The following NRG1 variants were observed in gnomAD, a reference collection of about 807,000 sequenced individuals.
NRG1 encodes the protein neuregulin 1, also known as pro-neuregulin-1, membrane-bound isoform.
NRG1 carries 18 observed loss-of-function variants against 63.8 expected under a neutral mutation model. That is an observed-to-expected ratio of 0.28 (90% CI 0.19 to 0.42). The LOEUF (loss-of-function observed/expected upper bound fraction) is 0.42, where lower values mean the gene tolerates loss of function less well. Among genes scored for constraint, NRG1 ranks in the 10% least tolerant of loss-of-function variants. NRG1 has a pLI of 1.00. For synonymous variants in NRG1, 302 were observed against 301.3 expected, an observed-to-expected ratio of 1.00 and a Z score of -0.02; for missense variants, 762 against 814.7, an observed-to-expected ratio of 0.94 and a Z score of 0.79.
chr8:32,243,061 G>A (rs1236677283), intron 1 of NRG1, among the ~76,000 whole-genome samples: 1 of 152,022 alleles, frequency 6.6e-6, no homozygotes, highest in Non-Finnish European at 1.5e-5. Flanking sequence ...TCTTCTCCCT[G>A]TGTCTCTCCA....
intron 1 of NRG1, among the ~76,000 whole-genome samples, chr8:32,584,748 C>T (rs1841316240): frequency 6.6e-6 from 1 of 152,174 alleles, no homozygotes; most frequent in South Asian, 2.1e-4. Context: ...AAGGAATAAG[C>T]TTTAAATGGC....
intron 1 of NRG1, among the ~76,000 whole-genome samples, chr8:32,079,477 C>G (rs962934800): frequency 2.6e-5 from 4 of 152,120 alleles, no homozygotes; most frequent in African/African-American, 9.7e-5. Context: ...TACTAATTAA[C>G]TTACCTAGAA....
rs1833870941 is a variant in NRG1 at position 32,124,678 on chromosome 8, C to T, written c.38-471150C>T. Among the ~76,000 whole-genome samples, 7 of 151,736 alleles carry T rather than the reference C, an allele frequency of 4.6e-5. No individual in the cohort carries two copies. The South Asian group carries it at 1.5e-3, about 32-fold the overall frequency. On this transcript the variant is annotated intron_variant, in intron 1 of 10. Transcript: ENST00000519301. ...TGTATCTATAACGTGAATTTTTGCC[C>T]CTATTTTCAATGTCCCCCATCCTAT...
intron 1 of NRG1, among the ~76,000 whole-genome samples, chr8:32,562,780 T>C (rs1836697011): frequency 6.6e-6 from 1 of 152,118 alleles, no homozygotes; most frequent in South Asian, 2.1e-4. Flanking sequence ...TGTACTGGCA[T>C]GGAAAGGCAC....
At chr8:32,202,115 A>C (rs1329655325) in intron 1 of NRG1, among the ~76,000 whole-genome samples, 1 of 152,192 alleles carries the variant, frequency 6.6e-6, no homozygotes, top group Non-Finnish European at 1.5e-5. Flanking sequence ...TGCTTCCACC[A>C]GCTGATTTTT....
At chr8:31,685,886 A>T (rs1188948021) in intron 1 of NRG1, among the ~76,000 whole-genome samples, 1 of 152,112 alleles carries the variant, frequency 6.6e-6, no homozygotes, top group Admixed American at 6.6e-5. Context: ...ATGTTGGTCT[A>T]TCCATTCTTC....
Position 31,722,615 on chromosome 8 carries a change from A to G in NRG1, c.37+83184A>G, listed in dbSNP as rs142996662. On this transcript the variant is annotated intron_variant, in intron 1 of 10. Coordinates refer to the NRG1 transcript ENST00000519301. ...TTATATTTATGTCTAAATGTTCATG[A>G]TAGCATCAGATTGAATTAATTGTAG... is the stretch of plus-strand genomic sequence containing the variant. Among the ~76,000 whole-genome samples the G allele has an allele frequency of 4.5e-3, 684 of 152,288 alleles. 9 individuals are homozygous for G. Among genetic ancestry groups the G allele is most frequent in the African/African-American group, 0.015 (641 of 41,562 alleles).
chr8:32,514,396 T>C (rs1027659490), intron 1 of NRG1, among the ~76,000 whole-genome samples: 7 of 152,170 alleles, frequency 4.6e-5, no homozygotes, highest in Non-Finnish European at 8.8e-5. Flanking sequence ...TGATCTTTTC[T>C]GAGATCCAAA....
At chr8:32,653,200 T>G (rs2129547855) in intron 5 of NRG1, among the ~76,000 whole-genome samples, 1 of 152,194 alleles carries the variant, frequency 6.6e-6, no homozygotes, top group Non-Finnish European at 1.5e-5. Context: ...TGTGCCAGAC[T>G]CTGTTCTAGA....
chr8:32,070,078 A>T (rs1825530809), intron 1 of NRG1, among the ~76,000 whole-genome samples: 1 of 152,172 alleles, frequency 6.6e-6, no homozygotes, highest in African/African-American at 2.4e-5. Flanking sequence ...AAACTTGAGA[A>T]TCTCTGAGAA....
At chr8:32,743,589 TATATATAA>T (rs1163749180) in intron 7 of NRG1, among the ~76,000 whole-genome samples, 4 of 145,566 alleles carry the variant, frequency 2.7e-5, no homozygotes, top group Non-Finnish European at 6.0e-5. Flanking sequence ...TATATATATA[TATATATAA>T]AACTTAATAA....
intron 1 of NRG1, among the ~76,000 whole-genome samples, chr8:31,768,027 A>G (rs1337060506): frequency 6.6e-6 from 1 of 152,144 alleles, no homozygotes; most frequent in Non-Finnish European, 1.5e-5. Context: ...TATCTTCTCT[A>G]TCATATTTAA....
intron 1 of NRG1, among the ~76,000 whole-genome samples, chr8:32,260,237 A>G (rs1265945768): frequency 6.6e-6 from 1 of 152,224 alleles, no homozygotes; most frequent in East Asian, 1.9e-4. Context: ...AGTGAAAAGC[A>G]TGGGGCTGAA....
intron 1 of NRG1, among the ~76,000 whole-genome samples, chr8:31,969,697 T>C (rs1484456609): frequency 2.6e-4 from 39 of 152,214 alleles, no homozygotes; most frequent in Non-Finnish European, 1.5e-5. Context: ...TCCTTTGCTC[T>C]ACTCCCTTAC....
At chr8:32,564,083 T>C (rs1304007681) in intron 1 of NRG1, among the ~76,000 whole-genome samples, 1 of 151,730 alleles carries the variant, frequency 6.6e-6, no homozygotes, top group African/African-American at 2.4e-5. Flanking sequence ...ATCATTTTGA[T>C]GGCCTTTTTA....
intron 1 of NRG1, among the ~76,000 whole-genome samples, chr8:31,686,773 T>C (rs1369622180): frequency 6.6e-6 from 1 of 152,172 alleles, no homozygotes; most frequent in Non-Finnish European, 1.5e-5. Flanking sequence ...TTTTTGTTTT[T>C]GTTTTTGTTT....
At chr8:32,323,874 T>C (rs1801699945) in intron 1 of NRG1, among the ~76,000 whole-genome samples, 1 of 149,684 alleles carries the variant, frequency 6.7e-6, no homozygotes, top group South Asian at 2.1e-4. Flanking sequence ...AGAAGCCTAG[T>C]GTGGAATCAG....
chr8:32,137,120 C>A (rs1324954990), intron 1 of NRG1, among the ~76,000 whole-genome samples: 1 of 152,000 alleles, frequency 6.6e-6, no homozygotes, highest in Non-Finnish European at 1.5e-5. Flanking sequence ...AGCTCCTTTA[C>A]CGCTGAGTCA....
At chr8:32,401,886 T>C (rs755576113) in intron 1 of NRG1, among the ~76,000 whole-genome samples, 89 of 152,226 alleles carry the variant, frequency 5.8e-4, no homozygotes, top group Non-Finnish European at 1.1e-3. Flanking sequence ...GAACCTAAAA[T>C]AAAAGTTGTT....
Sources: allele counts gnomAD v4.1 joint callset (sites outside exome capture counted in the v4.1 genomes callset), GRCh38; gene constraint gnomAD v4.1.1; transcripts MANE v1.5; gene names NCBI Gene and HGNC (gene_info 2026-07-23, HGNC 2026-07-21).